The following RNF150 variants were observed in gnomAD, a reference collection of about 807,000 sequenced individuals.
RNF150 encodes the protein ring finger protein 150.
RNF150 carries 24 observed loss-of-function variants against 39.3 expected under a neutral mutation model. That is an observed-to-expected ratio of 0.61 (90% confidence interval 0.44 to 0.86). The LOEUF (loss-of-function observed/expected upper bound fraction) is 0.86. Among genes scored for constraint, RNF150 ranks in the 40% least tolerant of loss-of-function variants. The pLI, the probability that RNF150 is intolerant of heterozygous loss-of-function variation, is 0.00. For missense variants in RNF150, 502 were observed against 587.8 expected (o/e 0.85, Z 1.51); for synonymous variants, 255 against 227.3 (o/e 1.12, Z -1.10).
chr4:140,914,681 A>G (rs1288074674), intron 5 of RNF150, among the ~76,000 whole-genome samples: 1 of 152,026 alleles, frequency 6.6e-6, no homozygotes, highest in Non-Finnish European at 1.5e-5. Flanking sequence ...GACTGGATAG[A>G]ATGGAGGGTG....
chr4:140,949,488 A>G, intron 2 of RNF150, 116 bp from the exon 3 acceptor site: 1 of 826,468 alleles, frequency 1.2e-6, no homozygotes. Flanking sequence ...TGTGGTATGA[A>G]TGCTAGCAAT....
intron 1 of RNF150, among the ~76,000 whole-genome samples, chr4:141,070,344 C>A (rs1218025843): frequency 6.6e-6 from 1 of 151,354 alleles, no homozygotes; most frequent in African/African-American, 2.4e-5. Flanking sequence ...GTCTAAAACA[C>A]CAAAAGCAAT....
intron 1 of RNF150, among the ~76,000 whole-genome samples, chr4:141,000,081 A>G (rs74213871): frequency 0.026 from 1,920 of 75,272 alleles, 309 homozygotes; most frequent in Middle Eastern, 0.042. Context: ...GAAGAAGAAG[A>G]AGAAGGAGAA....
chr4:140,954,823 G>C (rs1051892109), intron 2 of RNF150, among the ~76,000 whole-genome samples: 2 of 152,090 alleles, frequency 1.3e-5, no homozygotes, highest in African/African-American at 4.8e-5. Context: ...GTTATAAATA[G>C]AAATGCAGTG....
At chr4:141,122,772 A>G (rs1726647717) in intron 1 of RNF150, among the ~76,000 whole-genome samples, 1 of 152,256 alleles carries the variant, frequency 6.6e-6, no homozygotes, top group Admixed American at 6.5e-5. Flanking sequence ...AAATGTAATG[A>G]AAAAATATTA....
At chr4:141,003,655 G>C (rs1359160324) in intron 1 of RNF150, among the ~76,000 whole-genome samples, 2 of 151,788 alleles carry the variant, frequency 1.3e-5, no homozygotes, top group Non-Finnish European at 2.9e-5. Flanking sequence ...CCAAGGGAAG[G>C]GGAGGAAAGT....
At chr4:141,151,852 A>G (rs1578768763) in intron 1 of RNF150, among the ~76,000 whole-genome samples, 1 of 152,214 alleles carries the variant, frequency 6.6e-6, no homozygotes, top group Admixed American at 6.5e-5. Flanking sequence ...TTATTCACAG[A>G]AAATTTCTTT....
At chr4:141,116,317 C>T (rs761237101) in intron 1 of RNF150, among the ~76,000 whole-genome samples, 7 of 152,074 alleles carry the variant, frequency 4.6e-5, no homozygotes, top group Non-Finnish European at 7.4e-5. Context: ...ACAACCCCAT[C>T]AAAAAGTGGG....
At chr4:141,108,953 T>C (rs565732979) in intron 1 of RNF150, among the ~76,000 whole-genome samples, 2 of 152,202 alleles carry the variant, frequency 1.3e-5, no homozygotes, top group Non-Finnish European at 2.9e-5. Flanking sequence ...CTTAAATATA[T>C]GATTTTGGGC....
chr4:141,122,578 T>C (rs1373773364), intron 1 of RNF150, among the ~76,000 whole-genome samples: 1 of 152,238 alleles, frequency 6.6e-6, no homozygotes, highest in African/African-American at 2.4e-5. Context: ...CCTAAGGAAG[T>C]ATTCATGGAT....
intron 1 of RNF150, among the ~76,000 whole-genome samples, chr4:141,086,342 G>C (rs888010617): frequency 6.6e-6 from 1 of 151,960 alleles, no homozygotes; most frequent in African/African-American, 2.4e-5. Context: ...TTTTGTTTAA[G>C]ATCTACCATG....
chr4:140,908,436 G>T lies in RNF150; in HGVS notation c.1198+2708C>A, dbSNP rs1461481216. 2.0e-5 allele frequency among the ~76,000 whole-genome samples: 3 copies of T among 152,136 alleles called. No individual in the cohort carries two copies. In the East Asian group the frequency reaches 5.8e-4, roughly 29 times the overall value. Reference sequence around the variant, plus strand: ...TGAGAAAATTTAGTTTCTATACTGAGAAACTGATAGCCATATTCATATATG... The same window carrying T: ...TGAGAAAATTTAGTTTCTATACTGATAAACTGATAGCCATATTCATATATG... On this transcript the variant is annotated intron_variant, in intron 6 of 6. Transcript: ENST00000515673.
At chr4:141,165,994 A>T (rs1306685704) in intron 1 of RNF150, among the ~76,000 whole-genome samples, 1 of 152,186 alleles carries the variant, frequency 6.6e-6, no homozygotes, top group Non-Finnish European at 1.5e-5. Context: ...CCTTCAAAAA[A>T]ATCAATGAAT....
intron 1 of RNF150, among the ~76,000 whole-genome samples, chr4:141,106,474 T>C (rs757272213): frequency 2.0e-5 from 3 of 152,142 alleles, no homozygotes; most frequent in Non-Finnish European, 4.4e-5. Flanking sequence ...AAACTTCAAT[T>C]TCTTCATGTG....
intron 2 of RNF150, among the ~76,000 whole-genome samples, chr4:140,962,099 C>T (rs563088060): frequency 6.6e-6 from 1 of 151,282 alleles, no homozygotes; most frequent in African/African-American, 2.4e-5. Flanking sequence ...TCTCTCTACA[C>T]ACACGCGCGC....
At chr4:141,064,441 T>C (rs1209633878) in intron 1 of RNF150, among the ~76,000 whole-genome samples, 1 of 152,050 alleles carries the variant, frequency 6.6e-6, no homozygotes, top group Non-Finnish European at 1.5e-5. Context: ...TTTTCTCCAT[T>C]ACAATAAAGC....
At chr4:140,882,406 T>C (rs1484026975) in intron 6 of RNF150, among the ~76,000 whole-genome samples, 1 of 152,220 alleles carries the variant, frequency 6.6e-6, no homozygotes. Flanking sequence ...TGTATTCTGC[T>C]ACTGTTGGGT....
chr4:141,049,198 A>G (rs1736688712), intron 1 of RNF150, among the ~76,000 whole-genome samples: 1 of 152,174 alleles, frequency 6.6e-6, no homozygotes, highest in African/African-American at 2.4e-5. Flanking sequence ...TAGTTTACCA[A>G]TAAGTATTAG....
At chr4:141,069,776 GGT>G (rs1436565641) in intron 1 of RNF150, among the ~76,000 whole-genome samples, 1 of 151,904 alleles carries the variant, frequency 6.6e-6, no homozygotes, top group African/African-American at 2.4e-5. Context: ...ACTTCTTCCT[GGT>G]TTAGTCTTGG....
Sources: allele counts gnomAD v4.1 joint callset (sites outside exome capture counted in the v4.1 genomes callset), GRCh38; gene constraint gnomAD v4.1.1; transcripts MANE v1.5; gene names NCBI Gene and HGNC (gene_info 2026-07-23, HGNC 2026-07-21).